Variants in FIRRM observed in about 807,000 individuals in gnomAD.
The protein encoded by FIRRM is FIGNL1 interacting regulator of recombination and mitosis, also known as FIGNL1-interacting regulator of recombination and mitosis.
the FIRRM span, among the ~76,000 whole-genome samples, chr1:169,787,889 G>T: frequency 3.4e-5 from 5 of 146,676 alleles, no homozygotes; most frequent in African/African-American, 1.3e-4. Flanking sequence ...TTTTCATGTT[G>T]ATCACTTTTT....
the FIRRM span, among the ~76,000 whole-genome samples, chr1:169,846,735 T>C: frequency 6.6e-6 from 1 of 152,222 alleles, no homozygotes; most frequent in Non-Finnish European, 1.5e-5. Context: ...TAAAGGAATA[T>C]TGTGGCTGGT....
the FIRRM span, chr1:169,852,535 C>G: frequency 4.1e-6 from 2 of 482,208 alleles, no homozygotes; most frequent in East Asian, 7.1e-5. Flanking sequence ...CATTGGGAGC[C>G]CTTTGGGACA....
At chr1:169,840,768 C>T in the FIRRM span, among the ~76,000 whole-genome samples, 2 of 152,110 alleles carry the variant, frequency 1.3e-5, no homozygotes, top group African/African-American at 2.4e-5. Context: ...CCTCGGCCTC[C>T]CAAAGTGCTG....
chr1:169,805,317 G>A, the FIRRM span, among the ~76,000 whole-genome samples: 1 of 152,244 alleles, frequency 6.6e-6, no homozygotes, highest in African/African-American at 2.4e-5. Context: ...ACATCTGGCT[G>A]TTGGCAGAGG....
At chr1:169,818,680 T>TTTTA in the FIRRM span, among the ~76,000 whole-genome samples, 19 of 151,948 alleles carry the variant, frequency 1.3e-4, no homozygotes, top group Admixed American at 2.0e-4. Flanking sequence ...CATTTGCCAG[T>TTTTA]TTTATTTATT....
the FIRRM span, among the ~76,000 whole-genome samples, chr1:169,816,802 G>A: frequency 6.6e-6 from 1 of 152,146 alleles, no homozygotes; most frequent in African/African-American, 2.4e-5. Flanking sequence ...TATAAGTCAA[G>A]TTTGATTCCT....
At chr1:169,831,996 C>T in the FIRRM span, among the ~76,000 whole-genome samples, 1 of 152,142 alleles carries the variant, frequency 6.6e-6, no homozygotes, top group Non-Finnish European at 1.5e-5. Context: ...CGGGCTCAAG[C>T]AGTCCTCCCA....
At chr1:169,826,682 A>C in the FIRRM span, among the ~76,000 whole-genome samples, 1 of 152,184 alleles carries the variant, frequency 6.6e-6, no homozygotes, top group East Asian at 1.9e-4. Context: ...CTTTTAATAG[A>C]AATAAGCTAG....
chr1:169,829,747 A>T, the FIRRM span, among the ~76,000 whole-genome samples: 4 of 152,320 alleles, frequency 2.6e-5, no homozygotes, highest in African/African-American at 9.6e-5. Context: ...TTGTAGTATC[A>T]GGTCTCTTAT....
the FIRRM span, among the ~76,000 whole-genome samples, chr1:169,796,170 C>G: frequency 6.6e-6 from 1 of 152,210 alleles, no homozygotes; most frequent in African/African-American, 2.4e-5. Flanking sequence ...CAGAAGGTGC[C>G]AAAGCCCCCT....
chr1:169,821,773 A>G, the FIRRM span: 1 of 1,522,876 alleles, frequency 6.6e-7, no homozygotes, highest in Non-Finnish European at 9.0e-7. Flanking sequence ...AGGCTTTATT[A>G]TACGTTACTT....
chr1:169,795,624 C>G, the FIRRM span: 1 of 996,262 alleles, frequency 1.0e-6, no homozygotes, highest in Non-Finnish European at 1.2e-6. Flanking sequence ...AAGCGAGATA[C>G]TCTGAGCTTT....
At chr1:169,795,642 C>G in the FIRRM span, 1 of 991,496 alleles carries the variant, frequency 1.0e-6, no homozygotes, top group Non-Finnish European at 1.2e-6. Context: ...TTTTGTCTCC[C>G]GTAAAAAGGG....
chr1:169,786,260 T>C, the FIRRM span, among the ~76,000 whole-genome samples: 2 of 152,196 alleles, frequency 1.3e-5, no homozygotes, highest in African/African-American at 4.8e-5. Context: ...TCAAAACGTC[T>C]GACCACCCTT....
At chr1:169,822,748 C>T in the FIRRM span, among the ~76,000 whole-genome samples, 10 of 152,044 alleles carry the variant, frequency 6.6e-5, no homozygotes, top group Non-Finnish European at 1.3e-4. Flanking sequence ...GATCTGCCTG[C>T]CCTGCCCTCC....
At chr1:169,832,387 C>T in the FIRRM span, 1 of 1,461,522 alleles carries the variant, frequency 6.8e-7, no homozygotes, top group Non-Finnish European at 9.6e-7. Context: ...ATTAGTCAGT[C>T]TCTCCTCTCT....
the FIRRM span, among the ~76,000 whole-genome samples, chr1:169,829,095 A>G: frequency 1.3e-5 from 2 of 152,166 alleles, no homozygotes; most frequent in African/African-American, 4.8e-5. Flanking sequence ...GACAGTGAAT[A>G]TATTTTCCTT....
At chr1:169,813,680 AAGG>A in the FIRRM span, among the ~76,000 whole-genome samples, 1 of 152,214 alleles carries the variant, frequency 6.6e-6, no homozygotes, top group African/African-American at 2.4e-5. Context: ...TCCACAGAAA[AAGG>A]AGAAGGTTAG....
chr1:169,840,850 G>A, the FIRRM span, among the ~76,000 whole-genome samples: 9 of 152,030 alleles, frequency 5.9e-5, no homozygotes, highest in Non-Finnish European at 2.9e-5. Context: ...TGTTATTGGT[G>A]TATAGAAATG....
Sources: gnomAD v4.1 joint callset for allele counts (sites outside exome capture counted in the v4.1 genomes callset) on GRCh38, gnomAD v4.1.1 for gene constraint, MANE v1.5 for transcripts, NCBI Gene and HGNC (gene_info 2026-07-23, HGNC 2026-07-21) for gene names.